Variants in RNGTT observed in about 807,000 individuals in gnomAD.
The protein encoded by RNGTT is RNA guanylyltransferase and 5'-phosphatase.
A neutral mutation model predicts 79.3 loss-of-function variants in RNGTT; 33 were observed. That is an observed-to-expected ratio of 0.42 (90% CI 0.32 to 0.56). RNGTT has a LOEUF of 0.56. Ranked by LOEUF, RNGTT falls within the 20% of genes least tolerant of loss-of-function variation. The pLI, the probability that RNGTT is intolerant of heterozygous loss-of-function variation, is 0.17. For synonymous variants in RNGTT, 222 were observed against 235.9 expected, an observed-to-expected ratio of 0.94 and a Z score of 0.54; for missense variants, 497 against 739.1, an observed-to-expected ratio of 0.67 and a Z score of 3.80.
intron 1 of RNGTT, among the ~76,000 whole-genome samples, chr6:88,960,267 A>T (rs1447438135): frequency 6.6e-6 from 1 of 152,276 alleles, no homozygotes; most frequent in Non-Finnish European, 1.5e-5. Context: ...TTTGCTAAAT[A>T]AAATGACTTC....
intron 13 of RNGTT, among the ~76,000 whole-genome samples, chr6:88,725,839 A>C (rs955764601): frequency 6.6e-6 from 1 of 152,156 alleles, no homozygotes. Context: ...GAGAGGGGAG[A>C]ACAGCAGCAT....
At chr6:88,634,504 T>G (rs1402695640) in intron 14 of RNGTT, among the ~76,000 whole-genome samples, 1 of 152,132 alleles carries the variant, frequency 6.6e-6, no homozygotes, top group African/African-American at 2.4e-5. Flanking sequence ...TCACTAAGAA[T>G]GCATAGGGCT....
chr6:88,805,511 T>C (rs1256362827), intron 11 of RNGTT, among the ~76,000 whole-genome samples: 1 of 152,188 alleles, frequency 6.6e-6, no homozygotes, highest in Non-Finnish European at 1.5e-5. Flanking sequence ...TAAATCCATA[T>C]GCAGCTATAC....
At chr6:88,743,718 C>T (rs1482926974) in intron 13 of RNGTT, among the ~76,000 whole-genome samples, 4 of 152,190 alleles carry the variant, frequency 2.6e-5, no homozygotes, top group Non-Finnish European at 5.9e-5. Flanking sequence ...AACCATTCAT[C>T]TACAGACACT....
At chr6:88,940,084 CT>C (rs1433765676) in intron 2 of RNGTT, among the ~76,000 whole-genome samples, 2 of 129,238 alleles carry the variant, frequency 1.5e-5, no homozygotes, top group African/African-American at 5.8e-5. Flanking sequence ...TTTTTCTTTT[CT>C]TTTTTTTTGA....
intron 13 of RNGTT, among the ~76,000 whole-genome samples, chr6:88,745,757 C>T (rs1200684034): frequency 2.0e-5 from 3 of 149,870 alleles, no homozygotes; most frequent in Middle Eastern, 3.4e-3. Context: ...AAGTATGTGT[C>T]GTATTAAAAA....
At chr6:88,738,427 C>T (rs991332723) in intron 13 of RNGTT, among the ~76,000 whole-genome samples, 3 of 152,098 alleles carry the variant, frequency 2.0e-5, no homozygotes, top group Non-Finnish European at 4.4e-5. Flanking sequence ...AGCTACAGAC[C>T]TTAGTTAAAA....
At chr6:88,950,125 G>A (rs188579645) in intron 1 of RNGTT, among the ~76,000 whole-genome samples, 9 of 152,338 alleles carry the variant, frequency 5.9e-5, no homozygotes, top group Admixed American at 4.6e-4. Context: ...AAGCCTGGAT[G>A]ACATCCCATC....
chr6:88,937,329 G>A (rs1784698279), intron 2 of RNGTT, among the ~76,000 whole-genome samples: 1 of 151,260 alleles, frequency 6.6e-6, no homozygotes, highest in Non-Finnish European at 1.5e-5. Context: ...TAGGCAACAA[G>A]AGCAAAACTC....
At chr6:88,927,567 CAGG>C (rs1784361384) in intron 4 of RNGTT, among the ~76,000 whole-genome samples, 1 of 151,258 alleles carries the variant, frequency 6.6e-6, no homozygotes, top group Non-Finnish European at 1.5e-5. Context: ...GAGGCTGAGG[CAGG>C]AGAATTGCTT....
chr6:88,625,209 C>G (rs943106589), intron 14 of RNGTT, among the ~76,000 whole-genome samples: 1 of 151,778 alleles, frequency 6.6e-6, no homozygotes, highest in African/African-American at 2.4e-5. Flanking sequence ...CCATAAGAGC[C>G]GGCAATTTTA....
intron 13 of RNGTT, among the ~76,000 whole-genome samples, chr6:88,764,573 G>A (rs6919183): frequency 0.14 from 21,095 of 152,112 alleles, 1,599 homozygotes; most frequent in Middle Eastern, 0.24. Context: ...TCTCACTATT[G>A]TAATGATGCT....
At chr6:88,752,310 C>T (rs2127830954) in intron 13 of RNGTT, among the ~76,000 whole-genome samples, 1 of 152,020 alleles carries the variant, frequency 6.6e-6, no homozygotes, top group South Asian at 2.1e-4. Context: ...TAATTTATTC[C>T]TCACTGGTTT....
chr6:88,769,298 C>T (rs558253865), intron 13 of RNGTT, among the ~76,000 whole-genome samples: 1 of 150,760 alleles, frequency 6.6e-6, no homozygotes, highest in Admixed American at 6.6e-5. Flanking sequence ...GTAGCTGGGA[C>T]CACAGGTATG....
chr6:88,729,625 A>T (rs948582675), intron 13 of RNGTT, among the ~76,000 whole-genome samples: 1 of 152,176 alleles, frequency 6.6e-6, no homozygotes, highest in Non-Finnish European at 1.5e-5. Context: ...TACACTAGAG[A>T]TGTTGTTAAA....
At chr6:88,675,592 C>T (rs943569526) in intron 14 of RNGTT, among the ~76,000 whole-genome samples, 1 of 151,982 alleles carries the variant, frequency 6.6e-6, no homozygotes. Context: ...GGAGAACTGT[C>T]CTTATTAGTA....
chr6:88,676,636 A>T (rs1937427970), intron 14 of RNGTT, among the ~76,000 whole-genome samples: 1 of 152,246 alleles, frequency 6.6e-6, no homozygotes, highest in Non-Finnish European at 1.5e-5. Context: ...AGATGAAAAG[A>T]CAACGATAGC....
intron 12 of RNGTT, among the ~76,000 whole-genome samples, chr6:88,774,485 A>C (rs1778805754): frequency 6.6e-6 from 1 of 152,188 alleles, no homozygotes; most frequent in Non-Finnish European, 1.5e-5. Flanking sequence ...ACACTCCAAA[A>C]ACCTGAAAAC....
chr6:88,718,154 A>G lies in RNGTT; in HGVS notation c.1440-39735T>C, dbSNP rs552346398. Reference sequence around the variant, plus strand: ...ATGCCTGTAATCTTAGCACTTTGGGAGGCAGGCGGATTACTTGAGGCCAGG... The same window carrying G: ...ATGCCTGTAATCTTAGCACTTTGGGGGGCAGGCGGATTACTTGAGGCCAGG... On this transcript the variant is annotated intron_variant, in intron 13 of 15. Coordinates refer to ENST00000369485, the MANE Select transcript of RNGTT (RefSeq NM_003800.5). Among the ~76,000 whole-genome samples, 6 of 152,254 alleles carry G rather than the reference A, an allele frequency of 3.9e-5. No individual in the cohort carries two copies. The South Asian group carries it at 1.0e-3, about 26-fold the overall frequency.
Sources: gnomAD v4.1 joint callset for allele counts (sites outside exome capture counted in the v4.1 genomes callset) on GRCh38, gnomAD v4.1.1 for gene constraint, MANE v1.5 for transcripts, NCBI Gene and HGNC (gene_info 2026-07-23, HGNC 2026-07-21) for gene names.